SLCO3A1: variants seen among roughly 807,000 people sequenced by gnomAD.
The protein encoded by SLCO3A1 is solute carrier organic anion transporter family member 3A1.
SLCO3A1 carries 27 observed loss-of-function variants against 63.1 expected under a neutral mutation model. The observed-to-expected ratio is 0.43, with a 90% CI of 0.32 to 0.59. The LOEUF (loss-of-function observed/expected upper bound fraction) is 0.59, where lower values mean the gene tolerates loss of function less well. Ranked by LOEUF, SLCO3A1 falls within the 20% of genes least tolerant of loss-of-function variation. The probability of loss-of-function intolerance (pLI) is 0.09; values close to 1 mark genes in which losing one functional copy is unlikely to be tolerated. For missense variants in SLCO3A1, 773 were observed against 945.8 expected (o/e 0.82, Z 2.40); for synonymous variants, 473 against 409.9 (o/e 1.15, Z -1.86).
intron 3 of SLCO3A1, among the ~76,000 whole-genome samples, chr15:92,096,037 G>T (rs148789253): frequency 6.6e-6 from 1 of 152,248 alleles, no homozygotes; most frequent in Non-Finnish European, 1.5e-5. Flanking sequence ...ACTGTTTTTC[G>T]TATTTTTTTC....
intron 2 of SLCO3A1, among the ~76,000 whole-genome samples, chr15:91,922,196 G>GCACACACACACA (rs71156620): frequency 0.25 from 38,405 of 151,288 alleles, 5,037 homozygotes; most frequent in Middle Eastern, 0.32. Flanking sequence ...GCGCGTGCAC[G>GCACACACACACA]CACACACACA....
intron 2 of SLCO3A1, among the ~76,000 whole-genome samples, chr15:91,918,524 A>G (rs967403679): frequency 7.2e-5 from 11 of 152,138 alleles, no homozygotes; most frequent in African/African-American, 2.4e-4. Flanking sequence ...TCAGGAGAGG[A>G]CAAGTCTTTT....
intron 1 of SLCO3A1, among the ~76,000 whole-genome samples, chr15:91,864,425 A>T (rs1299904739): frequency 6.6e-6 from 1 of 152,132 alleles, no homozygotes; most frequent in Non-Finnish European, 1.5e-5. Context: ...AAGTATAAAT[A>T]AAAATATTGT....
At chr15:92,162,505 T>A in intron 9 of SLCO3A1, 1 of 515,266 alleles carries the variant, frequency 1.9e-6, no homozygotes, top group South Asian at 2.7e-5. Context: ...GACTGTAGTA[T>A]TATCATCATC....
chr15:92,154,318 C>T (rs1466336096), intron 9 of SLCO3A1, among the ~76,000 whole-genome samples: 1 of 152,226 alleles, frequency 6.6e-6, no homozygotes, highest in African/African-American at 2.4e-5. Context: ...ATTTATGAGA[C>T]AGGAAGAAAG....
intron 1 of SLCO3A1, among the ~76,000 whole-genome samples, chr15:91,893,696 A>C (rs1285808173): frequency 6.6e-6 from 1 of 152,188 alleles, no homozygotes; most frequent in African/African-American, 2.4e-5. Context: ...CATTTCTCAA[A>C]CATCCGTGGG....
intron 2 of SLCO3A1, among the ~76,000 whole-genome samples, chr15:92,049,891 C>G (rs2046936409): frequency 6.6e-6 from 1 of 152,186 alleles, no homozygotes; most frequent in Non-Finnish European, 1.5e-5. Flanking sequence ...ACTGGCACCT[C>G]TTAGCAAGAG....
chr15:92,122,764 G>A (rs146398272), intron 5 of SLCO3A1, among the ~76,000 whole-genome samples: 3 of 152,274 alleles, frequency 2.0e-5, no homozygotes, highest in Non-Finnish European at 2.9e-5. Context: ...CCAAATGTCC[G>A]TCAATGTAAA....
intron 1 of SLCO3A1, among the ~76,000 whole-genome samples, chr15:91,889,398 C>T (rs968921763): frequency 6.6e-6 from 1 of 152,202 alleles, no homozygotes; most frequent in Non-Finnish European, 1.5e-5. Flanking sequence ...CACACTGCCT[C>T]TTCTTACATC....
At chr15:92,038,518 TAA>T (rs1393659951) in intron 2 of SLCO3A1, among the ~76,000 whole-genome samples, 1 of 151,922 alleles carries the variant, frequency 6.6e-6, no homozygotes, top group Non-Finnish European at 1.5e-5. Context: ...ACAAAGAGAA[TAA>T]AATACCTAGG....
In SLCO3A1 at chr15:91,916,648, G is replaced by A. The variant is rs751960376; in HGVS notation, c.646+190G>A. ...GAGACGTTTTTAAAAGTTCCCAGGTGATTCTTGTGAGCGGCCGAATTTGAG... is the reference window on the plus strand; with the variant it reads ...GAGACGTTTTTAAAAGTTCCCAGGTAATTCTTGTGAGCGGCCGAATTTGAG... On this transcript the variant is annotated intron_variant, in intron 2 of 9. Transcript: ENST00000318445. The surrounding 1 kb of genome is among the most constrained non-coding windows in gnomAD (Gnocchi z 6.2). Among the ~76,000 whole-genome samples the A allele has an allele frequency of 6.6e-6, 1 of 152,222 alleles. No homozygotes were observed. Among genetic ancestry groups the A allele is most frequent in the African/African-American group, 2.4e-5 (1 of 41,464 alleles).
At chr15:92,044,334 A>C (rs1316878998) in intron 2 of SLCO3A1, among the ~76,000 whole-genome samples, 2 of 152,076 alleles carry the variant, frequency 1.3e-5, no homozygotes, top group African/African-American at 4.8e-5. Flanking sequence ...CTGGGAACTT[A>C]TCTCTTATCC....
intron 1 of SLCO3A1, among the ~76,000 whole-genome samples, chr15:91,893,174 T>A (rs1227219851): frequency 6.6e-6 from 1 of 152,182 alleles, no homozygotes; most frequent in African/African-American, 2.4e-5. Flanking sequence ...GACATGTGGG[T>A]AGTATGATTA....
chr15:91,867,342 G>A (rs776017585), intron 1 of SLCO3A1, among the ~76,000 whole-genome samples: 1 of 152,166 alleles, frequency 6.6e-6, no homozygotes, highest in Non-Finnish European at 1.5e-5. Context: ...TCTTGTACTG[G>A]AATGCTGTGC....
intron 2 of SLCO3A1, among the ~76,000 whole-genome samples, chr15:91,945,748 G>A (rs946222376): frequency 7.2e-5 from 11 of 152,184 alleles, no homozygotes; most frequent in African/African-American, 1.9e-4. Context: ...AATGTGATCC[G>A]ATGGTGACTG....
At position 92,163,717 on chromosome 15, in the gene SLCO3A1, T is replaced by C. The variant is rs1482961646; in HGVS notation, c.*582T>C. On this transcript the variant is annotated 3_prime_UTR_variant, in exon 10 of 10. Coordinates refer to ENST00000318445, the MANE Select transcript of SLCO3A1 (RefSeq NM_013272.4). ...GACTTTCGCAATATGGGTCACTGTG[T>C]AGACGACTCACCCAGTCTGCATGTG... The C allele has an allele frequency of 1.0e-6, 1 of 985,444 alleles. No homozygotes were observed. The highest frequency in any genetic ancestry group is 1.2e-6 in the Non-Finnish European group (1 of 829,988). 61.0% of individuals were successfully genotyped at this position (985,444 alleles called of 1,614,324 possible). A position where few individuals can be genotyped will look rare whatever the true frequency, so the allele number is the denominator to read the frequency against.
Position 91,853,876 on chromosome 15 carries a change from A to AGCGGCG in SLCO3A1, c.-13_-8dup, listed in dbSNP as rs368016879. The AGCGGCG allele has an allele frequency of 2.9e-4, 376 of 1,294,666 alleles. 1 individual carries two copies. The highest frequency in any genetic ancestry group is 5.6e-4 in the Middle Eastern group (2 of 3,584). 80.2% of individuals were successfully genotyped at this position (1,294,666 alleles called of 1,614,324 possible). A position where few individuals can be genotyped will look rare whatever the true frequency, so the allele number is the denominator to read the frequency against. ...CACCCGGGGCGAGCGGGAAAGCGGCAGCGGCGGCGGCGGCGGCGGCGGCGG... is the reference window on the plus strand; with the variant it reads ...CACCCGGGGCGAGCGGGAAAGCGGCAGCGGCGGCGGCGGCGGCGGCGGCGGCGGCGG... On this transcript the variant is annotated 5_prime_UTR_variant, in exon 1 of 10. Transcript: ENST00000318445.
chr15:92,005,784 T>A (rs993713071), intron 2 of SLCO3A1, among the ~76,000 whole-genome samples: 5 of 152,196 alleles, frequency 3.3e-5, no homozygotes, highest in Admixed American at 1.3e-4. Flanking sequence ...AATTCCCTTG[T>A]GGCCCAGTCA....
chr15:91,930,827 C>T (rs1046957393), intron 2 of SLCO3A1, among the ~76,000 whole-genome samples: 1 of 152,152 alleles, frequency 6.6e-6, no homozygotes, highest in Non-Finnish European at 1.5e-5. Flanking sequence ...TTTTATTTGC[C>T]GCGCTTTATG....
Sources: allele counts gnomAD v4.1 joint callset (sites outside exome capture counted in the v4.1 genomes callset), GRCh38; gene constraint gnomAD v4.1.1; non-coding constraint Gnocchi (gnomAD v3.1); transcripts MANE v1.5; gene names NCBI Gene and HGNC (gene_info 2026-07-23, HGNC 2026-07-21).